DHX8: variants seen among roughly 807,000 people sequenced by gnomAD.
DHX8 encodes the protein ATP-dependent RNA helicase DHX8.
DHX8 carries 67 observed loss-of-function variants against 140.7 expected under a neutral mutation model. The ratio of observed to expected loss-of-function variants is 0.48; its 90% CI spans 0.39 to 0.58. DHX8 has a LOEUF of 0.58. Among genes scored for constraint, DHX8 ranks in the 20% least tolerant of loss-of-function variants. The pLI, the probability that DHX8 is intolerant of heterozygous loss-of-function variation, is 0.00. For synonymous variants in DHX8, 533 were observed against 553.2 expected, an observed-to-expected ratio of 0.96 and a Z score of 0.51; for missense variants, 887 against 1,550.7, an observed-to-expected ratio of 0.57 and a Z score of 7.19.
At chr17:43,488,520 A>C (rs1016323424) in intron 1 of DHX8, among the ~76,000 whole-genome samples, 23 of 151,622 alleles carry the variant, frequency 1.5e-4, no homozygotes, top group African/African-American at 5.6e-4. Context: ...CTGAGGCAGG[A>C]GAATGGCGTG....
rs1016762454 is a variant in DHX8 at position 43,496,415 on chromosome 17, G to A, written c.1300+147G>A. 2.5e-5 allele frequency: 15 copies of A among 603,148 alleles called. No homozygotes were observed. The African/African-American group carries it at 2.6e-4, about 11-fold the overall frequency. The allele number at this position is 603,148 out of a possible 1,614,324, so 37.4% of individuals were successfully genotyped here. On this transcript the variant is annotated intron_variant, in intron 9 of 22. Transcript: ENST00000262415. ...CTCAAAAAAAAAAGGATCTCACCAT[G>A]ATGGAAGCAAGAAGTTCATTTTTCT...
intron 3 of DHX8, 100 bp downstream of exon 3, chr17:43,490,563 T>G: frequency 8.0e-6 from 8 of 994,934 alleles, no homozygotes; most frequent in Non-Finnish European, 1.2e-5. Context: ...GCTGAGCAAG[T>G]AAATGTTCCA....
rs1049597657 is a variant in DHX8, at chr17:43,524,660, C to T, written c.*813C>T. 4.1e-6 allele frequency: 4 copies of T among 985,354 alleles called. No homozygotes were observed. The highest frequency in any genetic ancestry group is 1.1e-4 in the East Asian group (1 of 8,832). The allele number at this position is 985,354 out of a possible 1,614,324, so 61.0% of individuals were successfully genotyped here. On this transcript the variant is annotated 3_prime_UTR_variant, in exon 23 of 23. Transcript: ENST00000262415. ...CCTTGCTCCCTCCACCTCCCACATT[C>T]GCAATGTGCAGCATGTCCCATTTCC...
At chr17:43,527,312 A>G (rs1970646724), downstream of DHX8, among the ~76,000 whole-genome samples, 1 of 152,110 alleles carries the variant, frequency 6.6e-6, no homozygotes, top group Non-Finnish European at 1.5e-5. Context: ...CTGGCCTGGG[A>G]GCCTTTCTCC....
chr17:43,529,196 A>G (rs1269004981), downstream of DHX8: 21 of 1,613,740 alleles, frequency 1.3e-5, no homozygotes, highest in Non-Finnish European at 1.6e-5. Flanking sequence ...GTCGTAATTC[A>G]TGGCTGGCCG....
chr17:43,537,819 C>T, intron 3 of DHX8, among the ~76,000 whole-genome samples: 1 of 151,432 alleles, frequency 6.6e-6, no homozygotes, highest in South Asian at 2.1e-4. Flanking sequence ...ATGGTGAAAT[C>T]CTGTCTCTAC....
downstream of DHX8, among the ~76,000 whole-genome samples, chr17:43,527,431 G>C (rs563126206): frequency 1.3e-5 from 2 of 152,198 alleles, no homozygotes; most frequent in Non-Finnish European, 2.9e-5. Context: ...GGGACAGCAG[G>C]GTCATGGGAA....
rs892333449 is a variant in DHX8 at position 43,522,053 on chromosome 17, G to A, written c.3270G>A (p.Lys1090=). The change falls in exon 22 of 23, where the codon AAG becomes AAA. Residue 1090 remains lysine, a synonymous_variant. Coordinates refer to ENST00000262415, the MANE Select transcript of DHX8 (RefSeq NM_004941.3). The part of the protein sequence containing the change: ...KQMLGIMDRH[K]LDVVSCGKST... ...TTTTGTCCTATCTTGATAGACACAA[G>A]CTGGATGTTGTTTCCTGTGGCAAGT... is the stretch of plus-strand genomic sequence containing the variant. 1.2e-6 allele frequency: 2 copies of A among 1,613,784 alleles called. No individual in the cohort carries two copies. The highest frequency in any genetic ancestry group is 2.7e-5 in the African/African-American group (2 of 74,926).
Position 43,492,694 on chromosome 17 carries a change from A to G in DHX8, c.517A>G (p.Lys173Glu). The G allele has an allele frequency of 6.4e-7, 1 of 1,568,890 alleles. No homozygotes were observed. The change falls in exon 6 of 23, where the codon AAG becomes GAG. Residue 173 changes from lysine (K) to glutamate (E), a missense_variant. Physicochemically the swap from Lys to Glu is moderately conservative, Grantham distance 56. This residue lies in a region of DHX8 where 304 missense variants were observed against 306.9 expected (regional missense o/e 0.99). Transcript: ENST00000262415. ...TTGATTTGTTAGGGACAGGACAAAG[A>G]AGAAGAAGCGGAGTCGAAGCCGAGA... ...RDAEHRDRTK[K>E]KKRSRSRDRN...
intron 8 of DHX8, 33 bp downstream of exon 8, chr17:43,493,919 C>T: frequency 1.9e-6 from 3 of 1,610,096 alleles, no homozygotes; most frequent in Non-Finnish European, 2.5e-6. Flanking sequence ...ACCAGATAGT[C>T]ATTCAGCATG....
downstream of DHX8, chr17:43,526,377 T>G: frequency 6.7e-7 from 1 of 1,490,058 alleles, no homozygotes; most frequent in Non-Finnish European, 8.9e-7. Flanking sequence ...GCTGTTTGTG[T>G]ATATGGCAGG....
chr17:43,512,302 G>T (rs368303164), intron 16 of DHX8, among the ~76,000 whole-genome samples: 1 of 150,382 alleles, frequency 6.6e-6, no homozygotes, highest in African/African-American at 2.4e-5. Context: ...CAGGAGAATC[G>T]CTTGAACCCG....
intron 22 of DHX8, among the ~76,000 whole-genome samples, chr17:43,523,076 A>G (rs879794687): frequency 6.6e-5 from 10 of 151,850 alleles, no homozygotes; most frequent in East Asian, 1.9e-4. Context: ...AAAAAAAAAA[A>G]AAAGAAAGAA....
At chr17:43,488,610 T>TA (rs60524796) in intron 1 of DHX8, among the ~76,000 whole-genome samples, 4,809 of 142,218 alleles carry the variant, frequency 0.034, 123 homozygotes, top group East Asian at 0.11. Context: ...GACTCTGTCT[T>TA]AAAAAAAAAA....
chr17:43,509,588 A>C (rs370625751), intron 16 of DHX8, among the ~76,000 whole-genome samples: 1 of 151,128 alleles, frequency 6.6e-6, no homozygotes, highest in African/African-American at 2.4e-5. Flanking sequence ...GGCTCAAGTG[A>C]TCCTCCTGCC....
intron 11 of DHX8, among the ~76,000 whole-genome samples, chr17:43,503,222 G>A (rs1282326590): frequency 2.0e-5 from 3 of 152,080 alleles, no homozygotes; most frequent in Non-Finnish European, 4.4e-5. Context: ...ATTAGTCCAG[G>A]CATGGTGGCT....
At chr17:43,516,430 G>T (rs1241103372) in intron 17 of DHX8, among the ~76,000 whole-genome samples, 1 of 152,058 alleles carries the variant, frequency 6.6e-6, no homozygotes, top group Middle Eastern at 3.2e-3. Flanking sequence ...TTGCAAACAT[G>T]ATTTTTATTT....
downstream of DHX8, chr17:43,529,487 A>T (rs1598191491): frequency 5.6e-6 from 9 of 1,595,528 alleles, no homozygotes; most frequent in Non-Finnish European, 6.8e-6. Context: ...AGGGCTGGGA[A>T]CATCCGAGAG....
At chr17:43,529,176 G>A (rs753554500), downstream of DHX8, 18 of 1,613,756 alleles carry the variant, frequency 1.1e-5, no homozygotes, top group Non-Finnish European at 1.4e-5. Flanking sequence ...CGGAGCGAGC[G>A]GCTCAGCTTG....
Sources: gnomAD v4.1 joint callset for allele counts (sites outside exome capture counted in the v4.1 genomes callset) on GRCh38, gnomAD v4.1.1 for gene constraint, gnomAD v4.1.1 regional missense constraint, MANE v1.5 for transcripts, NCBI Gene and HGNC (gene_info 2026-07-23, HGNC 2026-07-21) for gene names.